Variants in L3MBTL4 observed in about 807,000 individuals in gnomAD.
The protein encoded by L3MBTL4 is L3MBTL histone methyl-lysine binding protein 4.
Under a neutral mutation model 84.5 loss-of-function variants are expected in L3MBTL4, and 70 were observed. That is an observed-to-expected ratio of 0.83 (90% CI 0.68 to 1.01). The LOEUF (loss-of-function observed/expected upper bound fraction) is 1.01. L3MBTL4 is among the 50% of genes least tolerant of loss of function. The probability of loss-of-function intolerance (pLI) is 0.00; values close to 1 mark genes in which losing one functional copy is unlikely to be tolerated. For missense variants in L3MBTL4, 715 were observed against 754.8 expected, an observed-to-expected ratio of 0.95 and a Z score of 0.62; for synonymous variants, 274 against 259.8, an observed-to-expected ratio of 1.05 and a Z score of -0.52.
chr18:6,024,306 T>G (rs770461095), intron 16 of L3MBTL4, among the ~76,000 whole-genome samples: 1 of 152,192 alleles, frequency 6.6e-6, no homozygotes, highest in East Asian at 1.9e-4. Flanking sequence ...TTATATGGAG[T>G]TGATAATCAC....
chr18:6,358,285 C>T (rs1289040942), intron 1 of L3MBTL4, among the ~76,000 whole-genome samples: 1 of 152,058 alleles, frequency 6.6e-6, no homozygotes, highest in Non-Finnish European at 1.5e-5. Context: ...CAAATTAATC[C>T]AACCTTCTTA....
chr18:6,310,025 T>C (rs1211175512), intron 3 of L3MBTL4, among the ~76,000 whole-genome samples: 1 of 152,170 alleles, frequency 6.6e-6, no homozygotes, highest in Non-Finnish European at 1.5e-5. Flanking sequence ...GAGTAGCTGA[T>C]TCAGAAGATC....
chr18:6,060,169 T>C (rs1230521508), intron 16 of L3MBTL4, among the ~76,000 whole-genome samples: 1 of 152,200 alleles, frequency 6.6e-6, no homozygotes, highest in Non-Finnish European at 1.5e-5. Context: ...ACTCTCATTA[T>C]GCCATCAGTT....
chr18:6,239,752 G>A lies in L3MBTL4; in HGVS notation c.673C>T (p.His225Tyr). The A allele has an allele frequency of 6.2e-7, 1 of 1,614,010 alleles. No individual in the cohort carries two copies. The highest frequency in any genetic ancestry group is 8.5e-7 in the Non-Finnish European group (1 of 1,179,986). ...ADIVEDRLLVHFDNWDDSYDY... is the reference protein window; with the variant it reads ...ADIVEDRLLVYFDNWDDSYDY... Reference sequence around the variant, plus strand: ...TAACTATCATCCCAGTTGTCAAAATGCACTAGTAAGCGATCTTCAACAATA... The same window carrying A: ...TAACTATCATCCCAGTTGTCAAAATACACTAGTAAGCGATCTTCAACAATA... The change falls in exon 9 of 19, where the codon CAT becomes TAT. Residue 225 changes from histidine (H) to tyrosine (Y), a missense_variant. Physicochemically the swap from His to Tyr is moderately conservative, Grantham distance 83. Transcript: ENST00000317931.
At chr18:6,257,837 G>A (rs532758755) in intron 5 of L3MBTL4, among the ~76,000 whole-genome samples, 1 of 151,754 alleles carries the variant, frequency 6.6e-6, no homozygotes, top group East Asian at 1.9e-4. Flanking sequence ...GTAGAGACGG[G>A]GTTTCTCCAT....
rs377428936 is a variant in L3MBTL4, at chr18:6,387,129, A to G, written c.-91+27672T>C. On this transcript the variant is annotated intron_variant, in intron 1 of 18. Coordinates refer to ENST00000317931, the MANE Select transcript of L3MBTL4 (RefSeq NM_001330559.2). ...CAGGTTTTTGGCAAAACACACACAC[A>G]AGAGAAAATTAGCCTGGAACTACAG... Among the ~76,000 whole-genome samples, 15 of 152,284 alleles carry G rather than the reference A, an allele frequency of 9.9e-5. No homozygotes were observed. The East Asian group carries it at 2.5e-3, about 26-fold the overall frequency.
chr18:6,198,216 T>A (rs922871302), intron 12 of L3MBTL4, among the ~76,000 whole-genome samples: 1 of 152,216 alleles, frequency 6.6e-6, no homozygotes, highest in African/African-American at 2.4e-5. Context: ...ACCAAGCTTA[T>A]CTCAGGGTTG....
intron 12 of L3MBTL4, among the ~76,000 whole-genome samples, chr18:6,182,418 T>C (rs916488156): frequency 3.3e-5 from 5 of 152,208 alleles, no homozygotes; most frequent in Admixed American, 1.3e-4. Flanking sequence ...ATTGTTTGCT[T>C]GTTGATGCGT....
intron 13 of L3MBTL4, among the ~76,000 whole-genome samples, chr18:6,169,862 A>C (rs2043879495): frequency 6.6e-6 from 1 of 151,922 alleles, no homozygotes; most frequent in Admixed American, 6.6e-5. Context: ...AATTTAATTA[A>C]AGTATTTGGA....
At chr18:6,112,700 T>C (rs1306010474) in intron 14 of L3MBTL4, among the ~76,000 whole-genome samples, 1 of 152,212 alleles carries the variant, frequency 6.6e-6, no homozygotes, top group Non-Finnish European at 1.5e-5. Context: ...AAGTATAAGT[T>C]ACATTTAAAA....
chr18:6,234,292 C>A (rs2047122844), intron 10 of L3MBTL4, among the ~76,000 whole-genome samples: 2 of 152,136 alleles, frequency 1.3e-5, no homozygotes, highest in Non-Finnish European at 2.9e-5. Context: ...AAAGCAATGG[C>A]AACAAAAGCC....
chr18:6,045,539 G>T (rs1452851801), intron 16 of L3MBTL4, among the ~76,000 whole-genome samples: 1 of 152,142 alleles, frequency 6.6e-6, no homozygotes, highest in Non-Finnish European at 1.5e-5. Context: ...ATCTTATGTG[G>T]ATGGCAGCAG....
chr18:6,365,370 A>T (rs1002102470), intron 1 of L3MBTL4, among the ~76,000 whole-genome samples: 29 of 152,248 alleles, frequency 1.9e-4, no homozygotes, highest in African/African-American at 6.0e-4. Context: ...ACATAAAGAC[A>T]TACTTTATGA....
chr18:6,368,171 CT>C (rs1332564525), intron 1 of L3MBTL4, among the ~76,000 whole-genome samples: 1 of 152,108 alleles, frequency 6.6e-6, no homozygotes, highest in Admixed American at 6.5e-5. Context: ...ACCCTCTACA[CT>C]CTCTCCAGTC....
intron 12 of L3MBTL4, among the ~76,000 whole-genome samples, chr18:6,176,451 G>T (rs776090934): frequency 3.9e-5 from 6 of 151,942 alleles, no homozygotes; most frequent in African/African-American, 7.3e-5. Flanking sequence ...ATTGAATGAA[G>T]AAAGTACAGT....
chr18:6,029,676 G>A (rs2055685607), intron 16 of L3MBTL4: 4 of 985,116 alleles, frequency 4.1e-6, no homozygotes, highest in Non-Finnish European at 3.6e-6. Flanking sequence ...TATGGGAACA[G>A]CTTACTATGG....
intron 1 of L3MBTL4, among the ~76,000 whole-genome samples, chr18:6,394,211 T>A (rs1042881060): frequency 6.6e-6 from 1 of 152,198 alleles, no homozygotes; most frequent in Non-Finnish European, 1.5e-5. Context: ...CTCACGGCTG[T>A]AATCCCAGCA....
At chr18:6,061,590 A>G (rs2057222584) in intron 16 of L3MBTL4, among the ~76,000 whole-genome samples, 1 of 151,860 alleles carries the variant, frequency 6.6e-6, no homozygotes, top group Non-Finnish European at 1.5e-5. Context: ...CTCCTTTGTT[A>G]TCTTCTAGAA....
At chr18:6,200,215 A>C (rs756130398) in intron 12 of L3MBTL4, among the ~76,000 whole-genome samples, 2 of 152,236 alleles carry the variant, frequency 1.3e-5, no homozygotes, top group Admixed American at 6.5e-5. Context: ...GTGAATAAGA[A>C]GATGCAATTA....
Sources: allele counts gnomAD v4.1 joint callset (sites outside exome capture counted in the v4.1 genomes callset), GRCh38; gene constraint gnomAD v4.1.1; transcripts MANE v1.5; gene names NCBI Gene and HGNC (gene_info 2026-07-23, HGNC 2026-07-21).